Variants in FANCI observed in about 807,000 individuals in gnomAD.
FANCI encodes the protein FA complementation group I.
A neutral mutation model predicts 176.1 loss-of-function variants in FANCI; 156 were observed. The observed-to-expected ratio is 0.89, with a 90% CI of 0.78 to 1.01. The LOEUF (loss-of-function observed/expected upper bound fraction) is 1.01. FANCI is among the 50% of genes least tolerant of loss of function. The pLI is 0.00. For synonymous variants in FANCI, 613 were observed against 541.7 expected (o/e 1.13, Z -1.83); for missense variants, 1,678 against 1,534.1 (o/e 1.09, Z -1.57).
In FANCI at chr15:89,292,762, G is replaced by A. The variant is rs1220911041; in HGVS notation, c.2067G>A (p.Glu689=). The change falls in exon 21 of 38, where the codon GAG becomes GAA. Residue 689 remains glutamate, a synonymous_variant. Coordinates refer to ENST00000310775, the MANE Select transcript of FANCI (RefSeq NM_001113378.2). ...CAGTCATACCCTTACAGCAGGGAGA[G>A]GAGGAAGAGGAGGAGGAAGAGGCAT... ...KNTVIPLQQG[E]EEEEEEEAFY... is the part of the protein sequence containing the mutation. The A allele has an allele frequency of 1.2e-6, 2 of 1,613,768 alleles. No individual in the cohort carries two copies. The highest frequency in any genetic ancestry group is 2.2e-5 in the South Asian group (2 of 91,066).
chr15:89,291,481 G>T (rs1426861827), intron 19 of FANCI, 132 bp from the exon 20 acceptor site: 15 of 745,616 alleles, frequency 2.0e-5, no homozygotes, highest in African/African-American at 5.2e-5. Context: ...AAACTTGGCT[G>T]CATTGTTCTT....
intron 2 of FANCI, among the ~76,000 whole-genome samples, chr15:89,248,171 C>T (rs759424593): frequency 6.6e-6 from 1 of 152,032 alleles, no homozygotes; most frequent in Non-Finnish European, 1.5e-5. Flanking sequence ...AAAATTAGGG[C>T]CTCTGTTTTC....
Position 89,281,719 on chromosome 15 carries a change from C to G in FANCI, c.1513-46C>G, listed in dbSNP as rs376854404. The G allele has an allele frequency of 1.5e-4, 240 of 1,568,528 alleles. 1 individual carries two copies. The African/African-American group carries it at 3.1e-3, about 20-fold the overall frequency. On this transcript the variant is annotated intron_variant, in intron 15 of 37. Coordinates refer to ENST00000310775, the MANE Select transcript of FANCI (RefSeq NM_001113378.2). ...AGTATTGGGTAGAAATGACCTAAGG[C>G]TAATAAGCAAACTTGTTCTGTTTTT...
Position 89,305,361 on chromosome 15 carries a change from A to G in FANCI, c.3207A>G (p.Thr1069=). The G allele has an allele frequency of 6.2e-7, 1 of 1,614,146 alleles. No individual in the cohort carries two copies. The highest frequency in any genetic ancestry group is 8.5e-7 in the Non-Finnish European group (1 of 1,180,030). The change falls in exon 30 of 38, where the codon ACA becomes ACG. Residue 1069 remains threonine (T), a synonymous_variant. Coordinates refer to ENST00000310775, the MANE Select transcript of FANCI (RefSeq NM_001113378.2). The part of the protein sequence containing the change: ...DIDQDVEVEK[T]NHFAIVNLRT... ...CCCAGGATGTAGAGGTGGAGAAAAC[A>G]AACCACTTTGCAATAGTGAATTTGA...
At chr15:89,303,763 G>A in intron 27 of FANCI, 101 bp from the exon 28 acceptor site, 1 of 985,688 alleles carries the variant, frequency 1.0e-6, no homozygotes, top group Non-Finnish European at 1.6e-6. Flanking sequence ...TTTGGCAGCT[G>A]ATTTGCTTAG....
Position 89,299,809 on chromosome 15 carries a change from A to G in FANCI, c.2646A>G (p.Leu882=), listed in dbSNP as rs199627578. Residue 882 remains leucine, a synonymous_variant, in exon 25 of 38, where the codon CTA becomes CTG. Coordinates refer to ENST00000310775, the MANE Select transcript of FANCI (RefSeq NM_001113378.2). ...CTTTCTCCTGCTTCAGAGTCTTGCT[A>G]TGGAGATACACTTCAATTCCTACTT... ...QNLCDITRVL[L]WRYTSIPTSV... The G allele has an allele frequency of 8.9e-5, 144 of 1,613,328 alleles. 1 individual carries two copies. The highest frequency in any genetic ancestry group is 1.2e-4 in the Non-Finnish European group (136 of 1,179,672).
intron 7 of FANCI, 58 bp downstream of exon 7, chr15:89,263,518 G>C (rs1347895742): frequency 7.3e-7 from 1 of 1,377,812 alleles, no homozygotes; most frequent in African/African-American, 1.4e-5. Flanking sequence ...TTACTTGCTA[G>C]AAATTAAACT....
chr15:89,279,218 C>T (rs1405371316), intron 14 of FANCI, among the ~76,000 whole-genome samples: 6 of 152,046 alleles, frequency 3.9e-5, no homozygotes, highest in South Asian at 2.1e-4. Flanking sequence ...AGTGCAGTGG[C>T]GCAATCTCAG....
intron 2 of FANCI, among the ~76,000 whole-genome samples, chr15:89,253,189 A>G (rs929242588): frequency 1.3e-4 from 20 of 152,256 alleles, no homozygotes; most frequent in African/African-American, 4.1e-4. Flanking sequence ...AATCTAGTAT[A>G]TAATAAAATT....
In FANCI at chr15:89,301,475, A is replaced by G. The variant is rs770734831; in HGVS notation, c.3006+33A>G. 5.0e-6 allele frequency: 7 copies of G among 1,386,328 alleles called. No homozygotes were observed. The Admixed American group carries it at 1.2e-4, about 23-fold the overall frequency. The allele number at this position is 1,386,328 out of a possible 1,614,324, so 85.9% of individuals were successfully genotyped here. ...TACCGCTAACTTAATCCCATTTAGC[A>G]TTCCTCAGAAGGCAAGGATTATTGC... On this transcript the variant is annotated intron_variant, in intron 27 of 37. Transcript: ENST00000310775.
chr15:89,284,175 C>T (rs543495147), intron 17 of FANCI, among the ~76,000 whole-genome samples: 1 of 152,204 alleles, frequency 6.6e-6, no homozygotes, highest in East Asian at 1.9e-4. Flanking sequence ...TATTATTATC[C>T]CATTTTCTTA....
intron 36 of FANCI, 81 bp from the exon 37 acceptor site, chr15:89,315,201 G>A (rs375828937): frequency 9.9e-7 from 1 of 1,010,586 alleles, no homozygotes; most frequent in South Asian, 1.3e-5. Context: ...AGGTTTCTCA[G>A]AGGTGAACTA....
Position 89,291,751 on chromosome 15 carries a change from G to C in FANCI, c.1992+37G>C. ...ATTCTTCCTTCAACCATTATTTTTA[G>C]TATTAAGGATAGGGTTGAACTTTGC... On this transcript the variant is annotated intron_variant, in intron 20 of 37. Transcript: ENST00000310775. 3.3e-6 allele frequency: 5 copies of C among 1,535,130 alleles called. No homozygotes were observed. In the East Asian group the frequency reaches 1.1e-4, roughly 35 times the overall value.
rs893327942 is a variant in FANCI at position 89,283,332 on chromosome 15, C to T, written c.1698+82C>T. 8.8e-6 allele frequency: 14 copies of T among 1,594,726 alleles called. No homozygotes were observed. The African/African-American group carries it at 1.9e-4, about 21-fold the overall frequency. On this transcript the variant is annotated intron_variant, in intron 17 of 37. Coordinates refer to ENST00000310775, the MANE Select transcript of FANCI (RefSeq NM_001113378.2). ...AAATGCACGCTGTTTTCTTTTATTCCTGTTATGGTTGTAAGAATGATCCTA... is the reference window on the plus strand; with the variant it reads ...AAATGCACGCTGTTTTCTTTTATTCTTGTTATGGTTGTAAGAATGATCCTA...
chr15:89,301,451 AC>A lies in FANCI; in HGVS notation c.3006+11del. 1 of 1,569,488 alleles carries A rather than the reference AC, an allele frequency of 6.4e-7. No homozygotes were observed. Among genetic ancestry groups the A allele is most frequent in the Non-Finnish European group, 8.8e-7 (1 of 1,139,152 alleles). On this transcript the variant is annotated intron_variant, in intron 27 of 37. Coordinates refer to ENST00000310775, the MANE Select transcript of FANCI (RefSeq NM_001113378.2). ...AGCCCTCCTCTCCTCAGGTACTAGT[AC>A]CGCTAACTTAATCCCATTTAGCATT...
In FANCI at chr15:89,295,048, G is replaced by A. The variant is rs2054201446; in HGVS notation, c.2590G>A (p.Gly864Ser). ...AACAGGGCATGTGAGTGGCCCTGAT[G>A]GCCAAAACCCAGAAAAGATCTTTCA... ...KETGHVSGPD[G>S]QNPEKIFQNL... is the part of the protein sequence containing the mutation. Residue 864 changes from glycine to serine, a missense_variant, in exon 24 of 38, where the codon GGC becomes AGC. Around this residue, in one of 3 missense-constraint regions of FANCI, gnomAD observed 1,204 missense variants for 1,077.4 expected, o/e 1.12. Transcript: ENST00000310775. The A allele has an allele frequency of 1.9e-6, 3 of 1,552,072 alleles. No individual in the cohort carries two copies. The highest frequency in any genetic ancestry group is 1.7e-4 in the Middle Eastern group (1 of 5,994).
At chr15:89,268,988 G>A (rs927506248) in intron 10 of FANCI, among the ~76,000 whole-genome samples, 1 of 152,114 alleles carries the variant, frequency 6.6e-6, no homozygotes, top group African/African-American at 2.4e-5. Flanking sequence ...TATTTGTAAA[G>A]CAGTAAAATA....
intron 16 of FANCI, 42 bp downstream of exon 16, chr15:89,281,877 T>C (rs754532801): frequency 1.3e-6 from 2 of 1,561,550 alleles, no homozygotes; most frequent in Admixed American, 1.7e-5. Context: ...CGTTGTCTTC[T>C]AATGTTGGAG....
intron 33 of FANCI, 29 bp downstream of exon 33, chr15:89,307,558 G>C (rs1029079812): frequency 1.2e-6 from 2 of 1,614,160 alleles, no homozygotes; most frequent in African/African-American, 1.3e-5. Context: ...TCCTAGGAAT[G>C]GGGGAAGCAC....
Sources: gnomAD v4.1 joint callset for allele counts (sites outside exome capture counted in the v4.1 genomes callset) on GRCh38, gnomAD v4.1.1 for gene constraint, gnomAD v4.1.1 regional missense constraint, MANE v1.5 for transcripts, NCBI Gene and HGNC (gene_info 2026-07-23, HGNC 2026-07-21) for gene names.